DLG2: variants seen among roughly 807,000 people sequenced by gnomAD.
The protein encoded by DLG2 is discs large MAGUK scaffold protein 2, also known as disks large homolog 2.
Under a neutral mutation model 132.5 loss-of-function variants are expected in DLG2, and 45 were observed. The observed-to-expected ratio is 0.34, with a 90% CI of 0.27 to 0.44. The LOEUF (loss-of-function observed/expected upper bound fraction) is 0.44, where lower values mean the gene tolerates loss of function less well. Ranked by LOEUF, DLG2 falls within the 20% of genes least tolerant of loss-of-function variation. DLG2 has a pLI of 1.00. For synonymous variants in DLG2, 424 were observed against 419.6 expected, an observed-to-expected ratio of 1.01 and a Z score of -0.13; for missense variants, 1,045 against 1,196.9, an observed-to-expected ratio of 0.87 and a Z score of 1.87.
At chr11:84,824,454 TG>T (rs1287209998) in intron 6 of DLG2, among the ~76,000 whole-genome samples, 1 of 151,932 alleles carries the variant, frequency 6.6e-6, no homozygotes, top group African/African-American at 2.4e-5. Context: ...TTTCTTTATT[TG>T]GGATGATTTA....
At chr11:84,071,747 C>T (rs1371395761) in intron 10 of DLG2, among the ~76,000 whole-genome samples, 1 of 152,108 alleles carries the variant, frequency 6.6e-6, no homozygotes, top group Non-Finnish European at 1.5e-5. Context: ...TCTCCATTGT[C>T]TACATTTAAA....
At chr11:83,917,312 A>G (rs777301713) in intron 15 of DLG2, among the ~76,000 whole-genome samples, 2 of 152,144 alleles carry the variant, frequency 1.3e-5, no homozygotes, top group African/African-American at 4.8e-5. Flanking sequence ...AGTCAATCAG[A>G]GTGGCTGAGA....
intron 7 of DLG2, among the ~76,000 whole-genome samples, chr11:84,377,647 T>C (rs1339465140): frequency 1.3e-5 from 2 of 152,160 alleles, no homozygotes; most frequent in Non-Finnish European, 2.9e-5. Context: ...ATGACGATTA[T>C]AGAATCTGAG....
intron 3 of DLG2, among the ~76,000 whole-genome samples, chr11:85,326,247 G>A: frequency 7.1e-6 from 1 of 140,256 alleles, no homozygotes; most frequent in African/African-American, 2.7e-5. Flanking sequence ...GCAGGCCAAC[G>A]TTCAGATTCG....
intron 6 of DLG2, among the ~76,000 whole-genome samples, chr11:84,798,489 C>G (rs559290525): frequency 6.6e-6 from 1 of 152,334 alleles, no homozygotes; most frequent in African/African-American, 2.4e-5. Context: ...TGGCAGGCCA[C>G]TGCCAACATT....
intron 6 of DLG2, among the ~76,000 whole-genome samples, chr11:84,751,098 T>C (rs1012007723): frequency 6.6e-6 from 1 of 152,150 alleles, no homozygotes; most frequent in African/African-American, 2.4e-5. Flanking sequence ...TTTGCACTTT[T>C]AGAGGAATTG....
At chr11:84,872,379 G>A (rs924082112) in intron 6 of DLG2, among the ~76,000 whole-genome samples, 17 of 152,298 alleles carry the variant, frequency 1.1e-4, no homozygotes, top group Admixed American at 3.3e-4. Context: ...CACCAGCCAT[G>A]TGTCTGACAG....
chr11:85,289,090 T>C (rs2078735333), intron 3 of DLG2, among the ~76,000 whole-genome samples: 1 of 152,128 alleles, frequency 6.6e-6, no homozygotes, highest in Non-Finnish European at 1.5e-5. Flanking sequence ...TTTGTCTGCT[T>C]ATTCTCCATG....
chr11:83,547,199 G>C (rs1354047379), intron 19 of DLG2, among the ~76,000 whole-genome samples: 1 of 152,118 alleles, frequency 6.6e-6, no homozygotes, highest in East Asian at 1.9e-4. Context: ...TGGAAAGACA[G>C]TATCACTAAG....
intron 6 of DLG2, among the ~76,000 whole-genome samples, chr11:85,043,383 T>C (rs1266227588): frequency 6.6e-6 from 1 of 151,828 alleles, no homozygotes; most frequent in Non-Finnish European, 1.5e-5. Flanking sequence ...ATTTTATAAA[T>C]ACATATTGTT....
intron 7 of DLG2, among the ~76,000 whole-genome samples, chr11:84,502,922 T>C (rs1350453510): frequency 1.3e-5 from 2 of 152,300 alleles, no homozygotes; most frequent in African/African-American, 4.8e-5. Flanking sequence ...GAGGAAATGC[T>C]ACATGGAGAA....
chr11:84,500,521 T>G (rs1035478221), intron 7 of DLG2, among the ~76,000 whole-genome samples: 1 of 152,212 alleles, frequency 6.6e-6, no homozygotes, highest in African/African-American at 2.4e-5. Flanking sequence ...GCCTAACATC[T>G]ATCTATTCAG....
At chr11:83,521,712 G>GTT (rs1403402807) in intron 21 of DLG2, among the ~76,000 whole-genome samples, 1 of 151,938 alleles carries the variant, frequency 6.6e-6, no homozygotes, top group African/African-American at 2.4e-5. Flanking sequence ...TCTATTCAGG[G>GTT]TCCCCCACAT....
chr11:85,364,937 A>G (rs568287840), intron 3 of DLG2, among the ~76,000 whole-genome samples: 1 of 152,144 alleles, frequency 6.6e-6, no homozygotes, highest in African/African-American at 2.4e-5. Context: ...AAAATTATAA[A>G]GGTGCTTCCA....
chr11:83,738,986 A>C (rs1176668398), intron 18 of DLG2, among the ~76,000 whole-genome samples: 1 of 152,192 alleles, frequency 6.6e-6, no homozygotes, highest in Non-Finnish European at 1.5e-5. Flanking sequence ...TTAAGTGTGC[A>C]TGATGGTTCA....
intron 3 of DLG2, among the ~76,000 whole-genome samples, chr11:85,497,333 T>C (rs1019692023): frequency 2.0e-5 from 3 of 151,190 alleles, no homozygotes; most frequent in Admixed American, 6.6e-5. Flanking sequence ...ATATCAGTGA[T>C]TGAAGATGAA....
chr11:83,782,806 T>A (rs1028054931), intron 18 of DLG2, among the ~76,000 whole-genome samples: 2 of 151,938 alleles, frequency 1.3e-5, no homozygotes, highest in African/African-American at 4.8e-5. Flanking sequence ...TGGTGTCATA[T>A]CTCTTAGAAA....
intron 9 of DLG2, among the ~76,000 whole-genome samples, chr11:84,141,257 T>C (rs2094832337): frequency 6.6e-6 from 1 of 151,908 alleles, no homozygotes; most frequent in Non-Finnish European, 1.5e-5. Flanking sequence ...TCTAGTGACA[T>C]GCATAACTGC....
chr11:84,554,470 G>A (rs2099407911), intron 6 of DLG2, among the ~76,000 whole-genome samples: 1 of 152,092 alleles, frequency 6.6e-6, no homozygotes, highest in South Asian at 2.1e-4. Flanking sequence ...AAATGGGCCG[G>A]GTGCGGTAGC....
Sources: gnomAD v4.1 joint callset for allele counts (sites outside exome capture counted in the v4.1 genomes callset) on GRCh38, gnomAD v4.1.1 for gene constraint, MANE v1.5 for transcripts, NCBI Gene and HGNC (gene_info 2026-07-23, HGNC 2026-07-21) for gene names.